UNC5A: variants seen among roughly 807,000 people sequenced by gnomAD.
The protein encoded by UNC5A is unc-5 netrin receptor A.
A neutral mutation model predicts 87.4 loss-of-function variants in UNC5A; 20 were observed. The observed-to-expected ratio is 0.23, with a 90% CI of 0.16 to 0.33. UNC5A has a LOEUF of 0.33. Ranked by LOEUF, UNC5A falls within the 10% of genes least tolerant of loss-of-function variation. The pLI is 1.00. For synonymous variants in UNC5A, 438 were observed against 482.3 expected (o/e 0.91, Z 1.20); for missense variants, 844 against 1,133.4 (o/e 0.74, Z 3.67).
At position 176,848,117 on chromosome 5, in the gene UNC5A, C is replaced by T. The variant is rs933743242; in HGVS notation, c.71-14507C>T. ...CAGCTGACCAGCAGCCCCCACGCTGCGGCCTCCTCCAGGCTGGTTTCCTAG... is the reference window on the plus strand; with the variant it reads ...CAGCTGACCAGCAGCCCCCACGCTGTGGCCTCCTCCAGGCTGGTTTCCTAG... On this transcript the variant is annotated intron_variant, in intron 1 of 14. Coordinates refer to ENST00000329542, the MANE Select transcript of UNC5A (RefSeq NM_133369.3). The surrounding 1 kb of genome is among the most constrained non-coding windows in gnomAD (Gnocchi z 5.8). Among the ~76,000 whole-genome samples the T allele has an allele frequency of 2.6e-5, 4 of 152,102 alleles. No homozygotes were observed. Among genetic ancestry groups the T allele is most frequent in the African/African-American group, 7.2e-5 (3 of 41,400 alleles).
chr5:176,863,321 C>T (rs933510115), intron 2 of UNC5A, among the ~76,000 whole-genome samples: 22 of 152,182 alleles, frequency 1.4e-4, no homozygotes, highest in African/African-American at 3.4e-4. Context: ...TGGAGGCAGA[C>T]GCCGGCATGC....
chr5:176,815,362 T>A (rs1439901813), intron 1 of UNC5A, among the ~76,000 whole-genome samples: 1 of 152,046 alleles, frequency 6.6e-6, no homozygotes, highest in East Asian at 1.9e-4. Flanking sequence ...CATTGAAGGG[T>A]CCTCCTGCCT....
chr5:176,877,133 G>A, intron 8 of UNC5A, 59 bp from the exon 9 acceptor site: 1 of 1,360,720 alleles, frequency 7.3e-7, no homozygotes, highest in Non-Finnish European at 1.0e-6. Flanking sequence ...GGGGCTGTGT[G>A]GTGGGGTGTT....
At chr5:176,879,669 G>C in intron 14 of UNC5A, 52 bp from the exon 15 acceptor site, 3 of 1,598,336 alleles carry the variant, frequency 1.9e-6, no homozygotes, top group Non-Finnish European at 2.6e-6. Context: ...GGGGGCAGGA[G>C]GTGTCGGCTG....
chr5:176,855,271 C>T (rs1038971344), intron 1 of UNC5A, among the ~76,000 whole-genome samples: 8 of 152,236 alleles, frequency 5.3e-5, no homozygotes, highest in Admixed American at 3.3e-4. Flanking sequence ...TGAGGGCCCC[C>T]GGCAACTCCA....
At chr5:176,813,421 C>T (rs562052020) in intron 1 of UNC5A, among the ~76,000 whole-genome samples, 18 of 152,340 alleles carry the variant, frequency 1.2e-4, no homozygotes, top group African/African-American at 2.9e-4. Context: ...CTGTCCACCC[C>T]GACACTTGGG....
chr5:176,835,112 G>A (rs1484802507), intron 1 of UNC5A, among the ~76,000 whole-genome samples: 6 of 152,272 alleles, frequency 3.9e-5, no homozygotes, highest in Admixed American at 3.9e-4. Flanking sequence ...AGGGAGAGAG[G>A]TGGCCTCAGG....
rs148406866 is a variant in UNC5A at position 176,812,544 on chromosome 5, G to C, written c.70+1724G>C. Among the ~76,000 whole-genome samples, 40 of 152,314 alleles carry C rather than the reference G, an allele frequency of 2.6e-4. No individual in the cohort carries two copies. In the South Asian group the frequency reaches 6.8e-3, roughly 26 times the overall value. On this transcript the variant is annotated intron_variant, in intron 1 of 14. Coordinates refer to ENST00000329542, the MANE Select transcript of UNC5A (RefSeq NM_133369.3). Reference sequence around the variant, plus strand: ...GCTGTGTGCAGTTGCACAGGTGAGCGTGTACAGATAAGGGGGCACAGGTAC... The same window carrying C: ...GCTGTGTGCAGTTGCACAGGTGAGCCTGTACAGATAAGGGGGCACAGGTAC...
chr5:176,869,859 T>C lies in UNC5A; in HGVS notation c.722-511T>C. 1.7e-6 allele frequency: 1 copy of C among 574,438 alleles called. No homozygotes were observed. The highest frequency in any genetic ancestry group is 2.0e-5 in the South Asian group (1 of 49,670). The allele number at this position is 574,438 out of a possible 1,614,324, so 35.6% of individuals were successfully genotyped here. A position where few individuals can be genotyped will look rare whatever the true frequency, so the allele number is the denominator to read the frequency against. ...CCTGGCTCCATCGCGCCCACCAGCC[T>C]GCCCCCCCATGGCTCCATCCCACCC... On this transcript the variant is annotated intron_variant, in intron 5 of 14. Transcript: ENST00000329542. This position sits in a 1 kb window ranked among gnomAD's most constrained non-coding sequence, Gnocchi z 9.1.
At chr5:176,850,925 G>A (rs1757525310) in intron 1 of UNC5A, among the ~76,000 whole-genome samples, 1 of 152,096 alleles carries the variant, frequency 6.6e-6, no homozygotes, top group African/African-American at 2.4e-5. Flanking sequence ...TGTGCTCCCA[G>A]GACTTCCCAG....
chr5:176,840,185 G>A (rs981431028), intron 1 of UNC5A, among the ~76,000 whole-genome samples: 7 of 152,166 alleles, frequency 4.6e-5, no homozygotes, highest in African/African-American at 7.2e-5. Flanking sequence ...CCTTCTTCAC[G>A]CCTTGCTGGC....
At position 176,830,273 on chromosome 5, in the gene UNC5A, C is replaced by T. The variant is rs114906244; in HGVS notation, c.70+19453C>T. Among the ~76,000 whole-genome samples the T allele has an allele frequency of 9.5e-3, 1,445 of 152,330 alleles. 10 individuals are homozygous for T. The highest frequency in any genetic ancestry group is 0.031 in the Middle Eastern group (9 of 294). ...CCAGGAGCTCCCAAGCAGGGTGGCC[C>T]TCTCCAGAGCAGCTCACAGTGCGCT... is the stretch of plus-strand genomic sequence containing the variant. On this transcript the variant is annotated intron_variant, in intron 1 of 14. Coordinates refer to ENST00000329542, the MANE Select transcript of UNC5A (RefSeq NM_133369.3).
At chr5:176,834,649 G>T (rs1474226511) in intron 1 of UNC5A, among the ~76,000 whole-genome samples, 1 of 139,308 alleles carries the variant, frequency 7.2e-6, no homozygotes, top group Non-Finnish European at 1.6e-5. Context: ...CTCTCTGCAG[G>T]TTCCCACGTC....
Position 176,877,538 on chromosome 5 carries a change from G to T in UNC5A, c.1470G>T (p.Leu490Phe). 6.3e-7 allele frequency: 1 copy of T among 1,587,228 alleles called. No homozygotes were observed. The highest frequency in any genetic ancestry group is 1.1e-5 in the South Asian group (1 of 88,744). Residue 490 changes from leucine (L) to phenylalanine (F), a missense_variant, in exon 10 of 15, where the codon TTG (leucine) becomes TTT (phenylalanine). Physicochemically the swap from Leu to Phe is conservative, Grantham distance 22. Around this residue, in one of 3 missense-constraint regions of UNC5A, gnomAD observed 353 missense variants for 387.5 expected, o/e 0.91. Coordinates refer to ENST00000329542, the MANE Select transcript of UNC5A (RefSeq NM_133369.3). ...LTLHKPEDVR[L>F]PLAGCQTLLS... ...CACCCATATTTCCCCACTTGAGGTT[G>T]CCCCTAGCTGGCTGTCAGACCCTGC... is the stretch of plus-strand genomic sequence containing the variant.
Position 176,879,990 on chromosome 5 carries a change from G to A in UNC5A, c.*104G>A. 1 of 1,415,988 alleles carries A rather than the reference G, an allele frequency of 7.1e-7. No homozygotes were observed. The highest frequency in any genetic ancestry group is 9.4e-7 in the Non-Finnish European group (1 of 1,067,104). The allele number at this position is 1,415,988 out of a possible 1,614,324, so 87.7% of individuals were successfully genotyped here. ...TCCCCACACCGGGGAGAGCTGCTCG[G>A]ACAGGCCCCCTCCCGGCCGAAGCTG... On this transcript the variant is annotated 3_prime_UTR_variant, in exon 15 of 15. Transcript: ENST00000329542.
At chr5:176,811,951 T>C (rs1756466770) in intron 1 of UNC5A, among the ~76,000 whole-genome samples, 1 of 152,066 alleles carries the variant, frequency 6.6e-6, no homozygotes, top group South Asian at 2.1e-4. Flanking sequence ...GGAGCCAGCC[T>C]GATGATTGAG....
chr5:176,868,012 A>C lies in UNC5A; in HGVS notation c.293-118A>C, dbSNP rs1333496008. ...TAATAATAATAAAATTTAAAAAAAAAAAAACAAAGTCCACTCCCTTGCCAG... is the reference window on the plus strand; with the variant it reads ...TAATAATAATAAAATTTAAAAAAAACAAAACAAAGTCCACTCCCTTGCCAG... On this transcript the variant is annotated intron_variant, in intron 2 of 14. Coordinates refer to ENST00000329542, the MANE Select transcript of UNC5A (RefSeq NM_133369.3). The C allele has an allele frequency of 8.9e-5, 75 of 841,848 alleles. No individual in the cohort carries two copies. In the East Asian group the frequency reaches 2.3e-3, roughly 26 times the overall value. The allele number at this position is 841,848 out of a possible 1,614,324, so 52.1% of individuals were successfully genotyped here.
chr5:176,848,589 C>G lies in UNC5A; in HGVS notation c.71-14035C>G, dbSNP rs1371771328. Among the ~76,000 whole-genome samples, 1 of 152,100 alleles carries G rather than the reference C, an allele frequency of 6.6e-6. No individual in the cohort carries two copies. The highest frequency in any genetic ancestry group is 1.5e-5 in the Non-Finnish European group (1 of 68,016). ...TGTCTCATCAGGGGTGTGATGGGAG[C>G]GGCCAGACACCCTATTCCCAGATGG... is the stretch of plus-strand genomic sequence containing the variant. On this transcript the variant is annotated intron_variant, in intron 1 of 14. Coordinates refer to ENST00000329542, the MANE Select transcript of UNC5A (RefSeq NM_133369.3). The surrounding 1 kb of genome is among the most constrained non-coding windows in gnomAD (Gnocchi z 5.8).
At chr5:176,813,494 GC>G (rs1397583450) in intron 1 of UNC5A, among the ~76,000 whole-genome samples, 2 of 152,304 alleles carry the variant, frequency 1.3e-5, no homozygotes, top group Admixed American at 1.3e-4. Context: ...GTTCCTGCTC[GC>G]CCTGCCTTGC....
Sources: gnomAD v4.1 joint callset for allele counts (sites outside exome capture counted in the v4.1 genomes callset) on GRCh38, gnomAD v4.1.1 for gene constraint, gnomAD v4.1.1 regional missense constraint, Gnocchi (gnomAD v3.1) non-coding constraint, MANE v1.5 for transcripts, NCBI Gene and HGNC (gene_info 2026-07-23, HGNC 2026-07-21) for gene names.